The following WDR64 variants were observed in gnomAD, a reference collection of about 807,000 sequenced individuals.
WDR64 encodes WD repeat domain 64.
WDR64 carries 112 observed loss-of-function variants against 139.3 expected under a neutral mutation model. That is an observed-to-expected ratio of 0.80 (90% CI 0.69 to 0.94). WDR64 has a LOEUF of 0.94. WDR64 is among the 40% of genes least tolerant of loss of function. WDR64 has a pLI of 0.00. For missense variants in WDR64, 1,206 were observed against 1,293.1 expected (o/e 0.93, Z 1.03); for synonymous variants, 444 against 437.7 (o/e 1.01, Z -0.18).
At chr1:241,770,736 T>C (rs1187785097) in intron 18 of WDR64, 46 bp downstream of exon 18, 25 of 1,533,716 alleles carry the variant, frequency 1.6e-5, no homozygotes, top group Non-Finnish European at 2.1e-5. Flanking sequence ...ATACTCAATG[T>C]TGGTTCAAAA....
chr1:241,783,312 A>C lies in WDR64; in HGVS notation c.2636A>C (p.Glu879Ala). The change falls in exon 23 of 28, where the codon GAA becomes GCA. Residue 879 changes from glutamate to alanine, a missense_variant. Transcript: ENST00000437684. ...CTTTCCTGGCGTGCTCATTCTTTGGAAATTATTCAAGTAATCTATGTAGAA... is the reference window on the plus strand; with the variant it reads ...CTTTCCTGGCGTGCTCATTCTTTGGCAATTATTCAAGTAATCTATGTAGAA... ...QLLSWRAHSL[E>A]IIQVIYVEEK... 1.9e-6 allele frequency: 3 copies of C among 1,613,966 alleles called. No individual in the cohort carries two copies. Among genetic ancestry groups the C allele is most frequent in the Non-Finnish European group, 2.5e-6 (3 of 1,179,956 alleles).
intron 10 of WDR64, among the ~76,000 whole-genome samples, chr1:241,730,425 T>A (rs760484788): frequency 1.3e-5 from 2 of 152,238 alleles, no homozygotes; most frequent in Non-Finnish European, 2.9e-5. Flanking sequence ...CCTTTGGGAC[T>A]CTTTCCTTTG....
chr1:241,680,101 C>G (rs950739578), intron 6 of WDR64, among the ~76,000 whole-genome samples: 2 of 152,134 alleles, frequency 1.3e-5, no homozygotes, highest in Non-Finnish European at 2.9e-5. Context: ...TCAAACAAAA[C>G]TCAGTCTTGA....
intron 9 of WDR64, among the ~76,000 whole-genome samples, chr1:241,719,113 A>T (rs1317579226): frequency 1.3e-5 from 2 of 152,096 alleles, no homozygotes; most frequent in African/African-American, 4.8e-5. Context: ...AAGAAGTGAG[A>T]GCCTCTGAAA....
chr1:241,664,484 C>T (rs1350492841), intron 2 of WDR64, among the ~76,000 whole-genome samples: 1 of 152,190 alleles, frequency 6.6e-6, no homozygotes, highest in Non-Finnish European at 1.5e-5. Flanking sequence ...CCCATAAATG[C>T]CAACAAATGA....
intron 10 of WDR64, among the ~76,000 whole-genome samples, chr1:241,726,271 T>TA (rs1668835945): frequency 6.6e-6 from 1 of 151,582 alleles, no homozygotes; most frequent in Non-Finnish European, 1.5e-5. Context: ...AAATTAATTT[T>TA]TAAAAAAAGA....
chr1:241,710,693 G>C (rs1426262635), intron 8 of WDR64, among the ~76,000 whole-genome samples: 1 of 152,168 alleles, frequency 6.6e-6, no homozygotes, highest in Non-Finnish European at 1.5e-5. Flanking sequence ...TGTCCAGAAG[G>C]GAGGCTGATG....
At chr1:241,755,382 G>C (rs1558509133) in intron 14 of WDR64, among the ~76,000 whole-genome samples, 1 of 152,154 alleles carries the variant, frequency 6.6e-6, no homozygotes, top group Non-Finnish European at 1.5e-5. Flanking sequence ...AGAAGTGTCT[G>C]TTCATATCCT....
intron 10 of WDR64, among the ~76,000 whole-genome samples, chr1:241,732,301 GTATC>G (rs139933465): frequency 2.8e-5 from 4 of 144,744 alleles, no homozygotes; most frequent in Middle Eastern, 3.3e-3. Context: ...TTACAATGCA[GTATC>G]TATCTATCTA....
intron 22 of WDR64, among the ~76,000 whole-genome samples, chr1:241,780,300 T>C (rs1001355142): frequency 4.6e-5 from 7 of 152,210 alleles, no homozygotes; most frequent in African/African-American, 1.7e-4. Flanking sequence ...ATCGTCTTCA[T>C]GTTTTGACTT....
rs754259718 is a variant in WDR64, at chr1:241,801,219, G to GA, written c.*10dup. On this transcript the variant is annotated 3_prime_UTR_variant, in exon 28 of 28. Transcript: ENST00000437684. ...CTTCCCAGCTATACCCAAGTAAGGAGAAAAAATCAGAAATGGCTGCTGCAC... is the reference window on the plus strand; with the variant it reads ...CTTCCCAGCTATACCCAAGTAAGGAGAAAAAAATCAGAAATGGCTGCTGCAC... 123 of 1,611,404 alleles carry GA rather than the reference G, an allele frequency of 7.6e-5. 1 individual carries two copies. Among genetic ancestry groups the GA allele is most frequent in the African/African-American group, 3.7e-4 (28 of 74,838 alleles).
rs1666503521 is a variant in WDR64, at chr1:241,675,258, C to CCTCCCTT, written c.483+512_483+513insTCCCTTC. On this transcript the variant is annotated intron_variant, in intron 4 of 27. Coordinates refer to ENST00000437684, the MANE Select transcript of WDR64 (RefSeq NM_001367482.1). ...CCTCCTTCCTCCCTCCTTCCTTCCT[C>CCTCCCTT]CCTCCCTTCCTCCCTTCCTCTCTCT... 4.0e-5 allele frequency among the ~76,000 whole-genome samples: 4 copies of CCTCCCTT among 100,012 alleles called. No individual in the cohort carries two copies. In the East Asian group the frequency reaches 1.2e-3, roughly 31 times the overall value. The allele number at this position is 100,012 out of a possible 152,430, so 65.6% of individuals were successfully genotyped here.
chr1:241,743,524 G>A (rs1669632089), intron 12 of WDR64, among the ~76,000 whole-genome samples: 1 of 152,088 alleles, frequency 6.6e-6, no homozygotes, highest in African/African-American at 2.4e-5. Context: ...AGCTAAAGTG[G>A]CTTGCTTTCC....
At chr1:241,778,486 T>C (rs757071212) in intron 21 of WDR64, among the ~76,000 whole-genome samples, 1 of 152,330 alleles carries the variant, frequency 6.6e-6, no homozygotes, top group East Asian at 1.9e-4. Flanking sequence ...ATTTAGATTG[T>C]TGGCATCTAA....
chr1:241,769,390 A>G lies in WDR64; in HGVS notation c.2082-14A>G. On this transcript the variant is annotated splice_polypyrimidine_tract_variant and intron_variant, in intron 16 of 27. Transcript: ENST00000437684. Reference sequence around the variant, plus strand: ...TGTGAATTTTTTCTCATATAAATGTATACTTACTTCTAGGTACCGACCTGA... The same window carrying G: ...TGTGAATTTTTTCTCATATAAATGTGTACTTACTTCTAGGTACCGACCTGA... The G allele has an allele frequency of 6.5e-7, 1 of 1,547,236 alleles. No individual in the cohort carries two copies. Among genetic ancestry groups the G allele is most frequent in the Non-Finnish European group, 8.7e-7 (1 of 1,143,406 alleles).
At chr1:241,690,840 A>C (rs1027804562) in intron 8 of WDR64, among the ~76,000 whole-genome samples, 3 of 152,132 alleles carry the variant, frequency 2.0e-5, no homozygotes, top group Non-Finnish European at 4.4e-5. Context: ...GGTAAAATAA[A>C]AATTGTTATT....
At chr1:241,716,534 T>C (rs1309845864) in intron 9 of WDR64, among the ~76,000 whole-genome samples, 2 of 152,144 alleles carry the variant, frequency 1.3e-5, no homozygotes, top group South Asian at 2.1e-4. Context: ...ACAATTGCTA[T>C]AGACTAGGCT....
intron 10 of WDR64, among the ~76,000 whole-genome samples, chr1:241,734,160 T>C (rs1408233062): frequency 6.6e-6 from 1 of 152,110 alleles, no homozygotes; most frequent in East Asian, 1.9e-4. Flanking sequence ...GAATGCAACC[T>C]GTGTCTCTTA....
intron 13 of WDR64, among the ~76,000 whole-genome samples, chr1:241,745,455 C>T (rs1404297438): frequency 6.9e-6 from 1 of 144,194 alleles, no homozygotes; most frequent in Admixed American, 6.7e-5. Flanking sequence ...GCAATGTACA[C>T]AATTATTATC....
Sources: allele counts gnomAD v4.1 joint callset (sites outside exome capture counted in the v4.1 genomes callset), GRCh38; gene constraint gnomAD v4.1.1; transcripts MANE v1.5; gene names NCBI Gene and HGNC (gene_info 2026-07-23, HGNC 2026-07-21).